The following SPATA21 variants were observed in gnomAD, a reference collection of about 807,000 sequenced individuals.
The protein encoded by SPATA21 is spermatogenesis associated 21.
A neutral mutation model predicts 54.8 loss-of-function variants in SPATA21; 47 were observed. That is an observed-to-expected ratio of 0.86 (90% CI 0.68 to 1.09). The LOEUF is 1.09. Ranked by LOEUF, SPATA21 falls within the 50% of genes least tolerant of loss-of-function variation. The pLI, the probability that SPATA21 is intolerant of heterozygous loss-of-function variation, is 0.00. For missense variants in SPATA21, 599 were observed against 596.4 expected, an observed-to-expected ratio of 1.00 and a Z score of -0.05; for synonymous variants, 245 against 235.3, an observed-to-expected ratio of 1.04 and a Z score of -0.38.
chr1:16,404,911 C>T, intron 8 of SPATA21, 56 bp downstream of exon 8: 1 of 1,502,550 alleles, frequency 6.7e-7, no homozygotes, highest in Non-Finnish European at 8.8e-7. Flanking sequence ...GCACAGGTTT[C>T]AAGCCAGTGA....
intron 3 of SPATA21, chr1:16,425,793 T>G: frequency 6.9e-7 from 1 of 1,452,422 alleles, no homozygotes; most frequent in Non-Finnish European, 9.3e-7. Context: ...TTATATATTT[T>G]TACAGGGCTA....
At chr1:16,417,833 G>C (rs1209971191) in intron 5 of SPATA21, among the ~76,000 whole-genome samples, 1 of 152,140 alleles carries the variant, frequency 6.6e-6, no homozygotes, top group East Asian at 1.9e-4. Flanking sequence ...GCCTCCTAAA[G>C]TGTTGGGATT....
At chr1:16,427,673 G>T (rs1259636890) in intron 3 of SPATA21, among the ~76,000 whole-genome samples, 2 of 152,078 alleles carry the variant, frequency 1.3e-5, no homozygotes, top group African/African-American at 4.8e-5. Flanking sequence ...TTGTGGTCTC[G>T]TTGGGGGAGT....
intron 5 of SPATA21, among the ~76,000 whole-genome samples, chr1:16,414,594 G>A (rs114515972): frequency 0.011 from 1,624 of 152,122 alleles, 17 homozygotes; most frequent in Non-Finnish European, 0.015. Context: ...CAAACAGTAC[G>A]GTTGAAATAA....
chr1:16,435,197 G>A (rs1404577644), intron 1 of SPATA21, among the ~76,000 whole-genome samples: 1 of 152,088 alleles, frequency 6.6e-6, no homozygotes, highest in East Asian at 1.9e-4. Flanking sequence ...GGATGTGAGT[G>A]TAAAGTGTTA....
chr1:16,416,074 T>C (rs1486835846), intron 5 of SPATA21, among the ~76,000 whole-genome samples: 1 of 152,194 alleles, frequency 6.6e-6, no homozygotes, highest in Non-Finnish European at 1.5e-5. Context: ...GCAGCTCTTC[T>C]GTCACTGCTC....
At chr1:16,407,162 A>G (rs895072799) in intron 7 of SPATA21, among the ~76,000 whole-genome samples, 1 of 152,168 alleles carries the variant, frequency 6.6e-6, no homozygotes, top group African/African-American at 2.4e-5. Flanking sequence ...GGTAGGGAAG[A>G]GGTGGGGCTA....
Position 16,409,645 on chromosome 1 carries a change from G to C in SPATA21, c.543C>G (p.Leu181=), listed in dbSNP as rs2085767517. The change falls in exon 6 of 13, where the codon CTC becomes CTG. Residue 181 remains leucine (L), a synonymous_variant. Transcript: ENST00000335496. This position sits in a 1 kb window ranked among gnomAD's most constrained non-coding sequence, Gnocchi z 4.1. ...ALDLGWRRME[L]LHQSSERTLS... ...GGGTTCTCTCGCTGCTCTGGTGCAAGAGTTCCATCCTTCTCCAGCCCAGGT... is the reference window on the plus strand; with the variant it reads ...GGGTTCTCTCGCTGCTCTGGTGCAACAGTTCCATCCTTCTCCAGCCCAGGT... The C allele has an allele frequency of 6.2e-7, 1 of 1,613,208 alleles. No individual in the cohort carries two copies. The highest frequency in any genetic ancestry group is 8.5e-7 in the Non-Finnish European group (1 of 1,180,004).
At chr1:16,424,274 C>T (rs1376962773) in intron 3 of SPATA21, among the ~76,000 whole-genome samples, 1 of 124,824 alleles carries the variant, frequency 8.0e-6, no homozygotes, top group African/African-American at 3.1e-5. Context: ...GATTGCGCCA[C>T]TGCACTCCAG....
upstream of SPATA21, chr1:16,437,497 C>T (rs1478383569): frequency 1.3e-5 from 2 of 152,214 alleles, no homozygotes; most frequent in African/African-American, 4.8e-5. Context: ...CCAGGGTACT[C>T]TCTCCCAGAA....
rs916968522 is a variant in SPATA21, at chr1:16,431,841, C to T, written c.-51-419G>A. Among the ~76,000 whole-genome samples, 3 of 152,096 alleles carry T rather than the reference C, an allele frequency of 2.0e-5. No individual in the cohort carries two copies. In the South Asian group the frequency reaches 6.2e-4, roughly 32 times the overall value. ...TGCCTTTGGAAAGTGCTGTGATGAG[C>T]GAAATGATACAGGCTCTTTCCTGTA... is the stretch of plus-strand genomic sequence containing the variant. On this transcript the variant is annotated intron_variant, in intron 2 of 12. Coordinates refer to ENST00000335496, the MANE Select transcript of SPATA21 (RefSeq NM_198546.1).
downstream of SPATA21, chr1:16,396,546 A>C (rs1219290316): frequency 2.0e-5 from 3 of 152,274 alleles, no homozygotes; most frequent in Non-Finnish European, 4.4e-5. Flanking sequence ...TGCCCAGAGC[A>C]GCTGTGTGTA....
chr1:16,415,341 A>AG (rs1052031107), intron 5 of SPATA21, among the ~76,000 whole-genome samples: 8 of 151,880 alleles, frequency 5.3e-5, no homozygotes, highest in Non-Finnish European at 8.8e-5. Context: ...ACCCTCAAAA[A>AG]AAAAATCAGT....
intron 3 of SPATA21, chr1:16,427,877 G>A: frequency 6.5e-7 from 1 of 1,548,682 alleles, no homozygotes; most frequent in Non-Finnish European, 8.7e-7. Context: ...GGTCTTGCTG[G>A]AGGCCCCTGC....
rs1281568901 is a variant in SPATA21, at chr1:16,405,040, A to G, written c.738T>C (p.Asn246=). 3 of 1,610,098 alleles carry G rather than the reference A, an allele frequency of 1.9e-6. No homozygotes were observed. The highest frequency in any genetic ancestry group is 3.3e-4 in the Middle Eastern group (2 of 6,048). Reference sequence around the variant, plus strand: ...CAGAGAAGCCCATTAGGAGCAGGATATTCTTCAGGCTCTGTGCATCCACCT... The same window carrying G: ...CAGAGAAGCCCATTAGGAGCAGGATGTTCTTCAGGCTCTGTGCATCCACCT... The part of the protein sequence containing the change: ...PGEVDAQSLK[N]ILLLMGFSVT... Residue 246 remains asparagine, a synonymous_variant, in exon 8 of 13, where the codon AAT becomes AAC. Coordinates refer to ENST00000335496, the MANE Select transcript of SPATA21 (RefSeq NM_198546.1).
intron 3 of SPATA21, among the ~76,000 whole-genome samples, chr1:16,426,415 T>C (rs2086318096): frequency 6.6e-6 from 1 of 151,210 alleles, no homozygotes; most frequent in African/African-American, 2.4e-5. Flanking sequence ...TATGCCACCA[T>C]GCCTGGCCAA....
At chr1:16,406,212 C>T (rs934059560) in intron 7 of SPATA21, among the ~76,000 whole-genome samples, 9 of 152,064 alleles carry the variant, frequency 5.9e-5, no homozygotes, top group African/African-American at 1.4e-4. Flanking sequence ...CTCCGCCTCC[C>T]GGGTTCATGT....
At chr1:16,422,336 T>A in intron 3 of SPATA21, 1 of 663,976 alleles carries the variant, frequency 1.5e-6, no homozygotes, top group Non-Finnish European at 2.0e-6. Flanking sequence ...TTAATTCTCC[T>A]AGTGCCCCTA....
intron 7 of SPATA21, chr1:16,408,554 G>A (rs1442183961): frequency 1.0e-6 from 1 of 985,224 alleles, no homozygotes; most frequent in African/African-American, 1.7e-5. Flanking sequence ...CTGGCACAGG[G>A]AGAGCGCTGG....
Sources: allele counts gnomAD v4.1 joint callset (sites outside exome capture counted in the v4.1 genomes callset), GRCh38; gene constraint gnomAD v4.1.1; non-coding constraint Gnocchi (gnomAD v3.1); transcripts MANE v1.5; gene names NCBI Gene and HGNC (gene_info 2026-07-23, HGNC 2026-07-21).